The following NRXN1 variants were observed in gnomAD, a reference collection of about 807,000 sequenced individuals.
NRXN1 encodes neurexin-1.
A neutral mutation model predicts 150.9 loss-of-function variants in NRXN1; 39 were observed. The ratio of observed to expected loss-of-function variants is 0.26; its 90% CI spans 0.20 to 0.34. NRXN1 has a LOEUF of 0.34. Among genes scored for constraint, NRXN1 ranks in the 10% least tolerant of loss-of-function variants. The pLI is 1.00. For missense variants in NRXN1, 1,815 were observed against 1,949.9 expected (o/e 0.93, Z 1.30); for synonymous variants, 924 against 757.0 (o/e 1.22, Z -3.62).
chr2:50,458,634 C>G (rs916929656), intron 17 of NRXN1, among the ~76,000 whole-genome samples: 1 of 150,834 alleles, frequency 6.6e-6, no homozygotes, highest in African/African-American at 2.4e-5. Context: ...GGCTGGAGTG[C>G]AATGGCACAA....
chr2:49,956,649 T>C (rs1374876195), intron 21 of NRXN1, among the ~76,000 whole-genome samples: 1 of 152,168 alleles, frequency 6.6e-6, no homozygotes, highest in Non-Finnish European at 1.5e-5. Flanking sequence ...CTTAGGTCCA[T>C]GTATAAATTT....
At chr2:50,159,245 T>C (rs2059218553) in intron 18 of NRXN1, among the ~76,000 whole-genome samples, 1 of 152,152 alleles carries the variant, frequency 6.6e-6, no homozygotes, top group African/African-American at 2.4e-5. Context: ...TGCTCAAAAG[T>C]AGCCTCAAAA....
intron 17 of NRXN1, among the ~76,000 whole-genome samples, chr2:50,296,863 G>T (rs1196280649): frequency 6.8e-6 from 1 of 147,242 alleles, no homozygotes; most frequent in Non-Finnish European, 1.5e-5. Context: ...TGCTGTAAAA[G>T]ACACAGTTTC....
At chr2:50,789,146 C>T (rs750691395) in intron 5 of NRXN1, among the ~76,000 whole-genome samples, 1 of 152,154 alleles carries the variant, frequency 6.6e-6, no homozygotes, top group Non-Finnish European at 1.5e-5. Flanking sequence ...ATTGTGTATA[C>T]ATTTTCATAT....
chr2:50,353,356 A>C (rs967580839), intron 17 of NRXN1, among the ~76,000 whole-genome samples: 3 of 152,182 alleles, frequency 2.0e-5, no homozygotes, highest in Admixed American at 6.5e-5. Context: ...CAGCTTATAT[A>C]GTTTGTAGAA....
intron 2 of NRXN1, among the ~76,000 whole-genome samples, chr2:50,974,378 C>T (rs1420417359): frequency 1.3e-5 from 2 of 152,084 alleles, no homozygotes; most frequent in Admixed American, 6.6e-5. Flanking sequence ...GGGGATTGTG[C>T]CTTTTCAAGC....
At position 50,763,328 on chromosome 2, in the gene NRXN1, GC is replaced by G. The variant is rs1702029012; in HGVS notation, c.833-139714del. On this transcript the variant is annotated intron_variant, in intron 5 of 22. Coordinates refer to ENST00000401669, the MANE Select transcript of NRXN1 (RefSeq NM_001330078.2). ...CAGGTCTACCTGCTATTTTACCATT[GC>G]TTGCCTGTAATTTAATTTATCTTGG... Among the ~76,000 whole-genome samples the G allele has an allele frequency of 2.0e-5, 3 of 151,960 alleles. No homozygotes were observed. The South Asian group carries it at 6.2e-4, about 32-fold the overall frequency.
At chr2:50,976,269 C>A (rs1575104971) in intron 2 of NRXN1, among the ~76,000 whole-genome samples, 1 of 148,728 alleles carries the variant, frequency 6.7e-6, no homozygotes. Context: ...AGTGGGGATT[C>A]TTTCTTGTAT....
At chr2:50,438,210 C>A (rs554918156) in intron 17 of NRXN1, among the ~76,000 whole-genome samples, 2 of 152,312 alleles carry the variant, frequency 1.3e-5, no homozygotes, top group African/African-American at 4.8e-5. Context: ...AAAAACTCTT[C>A]TCCAGGCATG....
Position 50,690,376 on chromosome 2 carries a change from C to T in NRXN1, c.833-66761G>A, listed in dbSNP as rs117650108. On this transcript the variant is annotated intron_variant, in intron 5 of 22. Coordinates refer to ENST00000401669, the MANE Select transcript of NRXN1 (RefSeq NM_001330078.2). ...GGCCCATACTATGAATGATTCAGCACGCAGACCTTTGAAATTGTGATAGTC... is the reference window on the plus strand; with the variant it reads ...GGCCCATACTATGAATGATTCAGCATGCAGACCTTTGAAATTGTGATAGTC... Among the ~76,000 whole-genome samples the T allele has an allele frequency of 7.9e-5, 12 of 152,246 alleles. No individual in the cohort carries two copies. The East Asian group carries it at 2.1e-3, about 27-fold the overall frequency.
At chr2:50,923,444 C>A in intron 3 of NRXN1, 1 of 296,282 alleles carries the variant, frequency 3.4e-6, no homozygotes. Context: ...GATGTAATTT[C>A]ATCAAGGAAT....
In NRXN1 at chr2:50,808,029, A is replaced by T. The variant is rs554300643; in HGVS notation, c.832+113840T>A. On this transcript the variant is annotated intron_variant, in intron 5 of 22. Transcript: ENST00000401669. ...ATTACTTGCATTTTGGGGTGTGTTTATACTACCTAGAATGTTAACCCTTAT... is the reference window on the plus strand; with the variant it reads ...ATTACTTGCATTTTGGGGTGTGTTTTTACTACCTAGAATGTTAACCCTTAT... Among the ~76,000 whole-genome samples, 5 of 152,266 alleles carry T rather than the reference A, an allele frequency of 3.3e-5. No individual in the cohort carries two copies. In the East Asian group the frequency reaches 9.7e-4, roughly 29 times the overall value.
chr2:50,454,115 C>A (rs892573136), intron 17 of NRXN1, among the ~76,000 whole-genome samples: 4 of 152,054 alleles, frequency 2.6e-5, no homozygotes, highest in African/African-American at 9.7e-5. Context: ...CACTTGAGGT[C>A]AGGAGTTCAA....
At chr2:49,988,891 T>A (rs1223207723) in intron 21 of NRXN1, among the ~76,000 whole-genome samples, 1 of 152,204 alleles carries the variant, frequency 6.6e-6, no homozygotes, top group African/African-American at 2.4e-5. Context: ...CAAGTTATTT[T>A]AAAAATTAAA....
intron 5 of NRXN1, among the ~76,000 whole-genome samples, chr2:50,703,183 T>C (rs560465226): frequency 1.3e-5 from 2 of 151,984 alleles, no homozygotes; most frequent in East Asian, 3.9e-4. Context: ...CAAACAGTTA[T>C]AAGAACATCT....
At chr2:49,976,063 C>T (rs936695395) in intron 21 of NRXN1, among the ~76,000 whole-genome samples, 16 of 145,248 alleles carry the variant, frequency 1.1e-4, no homozygotes, top group Non-Finnish European at 1.6e-4. Flanking sequence ...TGCTCTGTCA[C>T]CCAGGCTGGA....
chr2:50,066,701 GA>G (rs1239862561), intron 19 of NRXN1, among the ~76,000 whole-genome samples: 2 of 151,522 alleles, frequency 1.3e-5, no homozygotes, highest in East Asian at 1.9e-4. Flanking sequence ...CACGAACCAT[GA>G]AAAAAAAGAA....
intron 5 of NRXN1, among the ~76,000 whole-genome samples, chr2:50,896,304 T>C (rs1681946055): frequency 6.6e-6 from 1 of 152,190 alleles, no homozygotes; most frequent in South Asian, 2.1e-4. Context: ...ACACATTTAT[T>C]GGGAACCTAC....
chr2:49,943,625 A>G (rs895217191), intron 22 of NRXN1, 79 bp downstream of exon 22: 7 of 909,240 alleles, frequency 7.7e-6, no homozygotes, highest in Non-Finnish European at 5.4e-6. Context: ...ATACATGAAT[A>G]TAAGGCCCTT....
Sources: gnomAD v4.1 joint callset for allele counts (sites outside exome capture counted in the v4.1 genomes callset) on GRCh38, gnomAD v4.1.1 for gene constraint, MANE v1.5 for transcripts, NCBI Gene and HGNC (gene_info 2026-07-23, HGNC 2026-07-21) for gene names.